The following CCSER1 variants were observed in gnomAD, a reference collection of about 807,000 sequenced individuals.
CCSER1 encodes serine-rich coiled-coil domain-containing protein 1.
In CCSER1, 41 loss-of-function variants were observed where a neutral mutation model predicts 82.0. The ratio of observed to expected loss-of-function variants is 0.50; its 90% CI spans 0.39 to 0.65. CCSER1 has a LOEUF of 0.65. Ranked by LOEUF, CCSER1 falls within the 30% of genes least tolerant of loss-of-function variation. The pLI is 0.00. For missense variants in CCSER1, 1,119 were observed against 1,064.2 expected (o/e 1.05, Z -0.72); for synonymous variants, 414 against 383.9 (o/e 1.08, Z -0.92).
At chr4:90,468,727 G>C (rs916866935) in intron 5 of CCSER1, 4 of 153,516 alleles carry the variant, frequency 2.6e-5, no homozygotes, top group African/African-American at 9.7e-5. Flanking sequence ...TTTTAAAGTT[G>C]GTTTGCATTT....
intron 10 of CCSER1, among the ~76,000 whole-genome samples, chr4:91,121,136 CAT>C (rs1554070202): frequency 1.4e-5 from 2 of 147,902 alleles, no homozygotes; most frequent in Non-Finnish European, 3.0e-5. Flanking sequence ...TTTTTTTTCT[CAT>C]GTGGGGATTT....
intron 6 of CCSER1, among the ~76,000 whole-genome samples, chr4:90,640,064 T>C (rs1726203242): frequency 6.6e-6 from 1 of 152,152 alleles, no homozygotes; most frequent in South Asian, 2.1e-4. Flanking sequence ...TTCAAGAAGG[T>C]CAGCTTGGGG....
chr4:90,163,110 T>G (rs537875173), intron 1 of CCSER1, among the ~76,000 whole-genome samples: 89 of 152,280 alleles, frequency 5.8e-4, no homozygotes, highest in African/African-American at 2.1e-3. Context: ...TAGCATTATT[T>G]TATTTACATT....
chr4:90,705,816 A>G (rs1371538555), intron 6 of CCSER1, among the ~76,000 whole-genome samples: 1 of 152,172 alleles, frequency 6.6e-6, no homozygotes, highest in Non-Finnish European at 1.5e-5. Flanking sequence ...TGCTAAGACC[A>G]TTGGAAAATC....
chr4:91,069,724 C>T (rs991490123), intron 9 of CCSER1, among the ~76,000 whole-genome samples: 1 of 152,088 alleles, frequency 6.6e-6, no homozygotes, highest in Non-Finnish European at 1.5e-5. Context: ...AATCAATGCT[C>T]ATGAAAGTCC....
chr4:91,598,706 A>G lies in CCSER1; in HGVS notation c.2352A>G (p.Gln784=). ...GCCCCTACAAAAACAAGACCTGTCAACTCCCAAGTCTCTGTTTAAGTAATT... is the reference window on the plus strand; with the variant it reads ...GCCCCTACAAAAACAAGACCTGTCAGCTCCCAAGTCTCTGTTTAAGTAATT... The part of the protein sequence containing the change: ...QTSPYKNKTC[Q]LPSLCLSNFL... Residue 784 remains glutamine (Q), a synonymous_variant, in exon 11 of 11, where the codon CAA becomes CAG. Transcript: ENST00000509176. 1.3e-6 allele frequency: 2 copies of G among 1,551,492 alleles called. No individual in the cohort carries two copies. The highest frequency in any genetic ancestry group is 1.7e-6 in the Non-Finnish European group (2 of 1,146,928).
At chr4:90,233,717 TAAA>T (rs199884858) in intron 1 of CCSER1, among the ~76,000 whole-genome samples, 3 of 125,496 alleles carry the variant, frequency 2.4e-5, no homozygotes, top group African/African-American at 2.9e-5. Flanking sequence ...GAAGTGGCCA[TAAA>T]AAAAAAAAAA....
chr4:91,207,205 C>T (rs12510568), intron 10 of CCSER1, among the ~76,000 whole-genome samples: 23,071 of 151,760 alleles, frequency 0.15, 1,812 homozygotes, highest in Middle Eastern at 0.19. Flanking sequence ...TAAGAGTTTC[C>T]TTTAAAATAT....
chr4:91,527,441 A>C (rs552352851), intron 10 of CCSER1, among the ~76,000 whole-genome samples: 2 of 152,326 alleles, frequency 1.3e-5, no homozygotes, highest in Non-Finnish European at 2.9e-5. Flanking sequence ...TTACCAATGC[A>C]CAATATAGTA....
In CCSER1 at chr4:91,012,851, G is replaced by T. The variant is rs1345237004; in HGVS notation, c.2173-73099G>T. On this transcript the variant is annotated intron_variant, in intron 9 of 10. Transcript: ENST00000509176. ...CCTGAAAGGACTGCAGGGGTCCCCA[G>T]TGGTTAGGACTGTAGGCGTCCAAGG... is the stretch of plus-strand genomic sequence containing the variant. Among the ~76,000 whole-genome samples, 17 of 133,992 alleles carry T rather than the reference G, an allele frequency of 1.3e-4. 2 individuals are homozygous for T. Among genetic ancestry groups the T allele is most frequent in the Admixed American group, 3.0e-4 (4 of 13,528 alleles). 87.9% of individuals were successfully genotyped at this position (133,992 alleles called of 152,430 possible).
intron 10 of CCSER1, among the ~76,000 whole-genome samples, chr4:91,100,235 TAA>T (rs1421490090): frequency 2.0e-5 from 3 of 152,112 alleles, no homozygotes; most frequent in African/African-American, 4.8e-5. Flanking sequence ...AACATTTAAT[TAA>T]AAGAACTACA....
At chr4:90,555,505 C>A (rs1778023631) in intron 5 of CCSER1, among the ~76,000 whole-genome samples, 2 of 151,928 alleles carry the variant, frequency 1.3e-5, no homozygotes, top group African/African-American at 4.8e-5. Context: ...TGATTAAATT[C>A]CTATAAGAAC....
At chr4:91,178,154 G>C (rs545378129) in intron 10 of CCSER1, among the ~76,000 whole-genome samples, 23 of 152,282 alleles carry the variant, frequency 1.5e-4, no homozygotes, top group Non-Finnish European at 2.2e-4. Context: ...GTTCTAGTTT[G>C]TTTGCCCTGT....
intron 1 of CCSER1, among the ~76,000 whole-genome samples, chr4:90,303,280 T>G (rs942667300): frequency 1.3e-5 from 2 of 151,964 alleles, no homozygotes; most frequent in African/African-American, 4.8e-5. Context: ...TGACTTTCTT[T>G]ACAGAATTGG....
chr4:91,598,747 A>C lies in CCSER1; in HGVS notation c.2393A>C (p.Glu798Ala). Residue 798 changes from glutamate to alanine, a missense_variant, in exon 11 of 11, where the codon GAA becomes GCA. Glu to Ala is a moderately radical substitution (Grantham distance 107). Transcript: ENST00000509176. ...LCLSNFLKDKELAEVIKHSRG... is the reference protein window; with the variant it reads ...LCLSNFLKDKALAEVIKHSRG... ...TTAAGTAATTTCCTGAAGGACAAGGAACTAGCAGAAGTTATCAAACATTCA... is the reference window on the plus strand; with the variant it reads ...TTAAGTAATTTCCTGAAGGACAAGGCACTAGCAGAAGTTATCAAACATTCA... 1 of 1,551,648 alleles carries C rather than the reference A, an allele frequency of 6.4e-7. No homozygotes were observed. Among genetic ancestry groups the C allele is most frequent in the South Asian group, 1.2e-5 (1 of 84,066 alleles).
chr4:91,496,682 AATATATATATATTCAAT>A (rs1265426550), intron 10 of CCSER1, among the ~76,000 whole-genome samples: 1 of 17,104 alleles, frequency 5.8e-5, no homozygotes, highest in African/African-American at 1.2e-4. Context: ...AATATATTTG[AATATATATATATTCAAT>A]ATATATATAT....
At chr4:91,164,842 C>T (rs1010982656) in intron 10 of CCSER1, among the ~76,000 whole-genome samples, 1 of 152,122 alleles carries the variant, frequency 6.6e-6, no homozygotes, top group Admixed American at 6.6e-5. Flanking sequence ...TAATTATTTT[C>T]AATGTTTTTA....
chr4:90,160,570 G>A (rs563607725), intron 1 of CCSER1, among the ~76,000 whole-genome samples: 1 of 152,324 alleles, frequency 6.6e-6, no homozygotes, highest in South Asian at 2.1e-4. Context: ...GGTCATTGGA[G>A]GCCTCTTAGG....
intron 10 of CCSER1, among the ~76,000 whole-genome samples, chr4:91,589,377 A>C (rs1764156165): frequency 6.6e-6 from 1 of 151,914 alleles, no homozygotes; most frequent in Admixed American, 6.6e-5. Context: ...ATATTTGTTT[A>C]TGCATTTATT....
Sources: allele counts gnomAD v4.1 joint callset (sites outside exome capture counted in the v4.1 genomes callset), GRCh38; gene constraint gnomAD v4.1.1; transcripts MANE v1.5; gene names NCBI Gene and HGNC (gene_info 2026-07-23, HGNC 2026-07-21).